The following CADM2 variants were observed in gnomAD, a reference collection of about 807,000 sequenced individuals.
CADM2 encodes immunoglobulin superfamily member 4D.
A neutral mutation model predicts 49.8 loss-of-function variants in CADM2; 12 were observed. The ratio of observed to expected loss-of-function variants is 0.24; its 90% CI spans 0.15 to 0.39. CADM2 has a LOEUF of 0.39. Ranked by LOEUF, CADM2 falls within the 10% of genes least tolerant of loss-of-function variation. The pLI is 1.00. For missense variants in CADM2, 378 were observed against 492.3 expected, an observed-to-expected ratio of 0.77 and a Z score of 2.20; for synonymous variants, 214 against 175.4, an observed-to-expected ratio of 1.22 and a Z score of -1.74.
rs147512744 is a variant in CADM2 at position 85,751,751 on chromosome 3, C to A, written c.88+25203C>A. 6.1e-4 allele frequency among the ~76,000 whole-genome samples: 93 copies of A among 152,276 alleles called. 3 individuals are homozygous for A. In the East Asian group the frequency reaches 0.018, roughly 29 times the overall value. Reference sequence around the variant, plus strand: ...GATCTTTTAAAAACTCGACAACCAACACTTGCAATTATCCAGGCATATGCT... The same window carrying A: ...GATCTTTTAAAAACTCGACAACCAAAACTTGCAATTATCCAGGCATATGCT... On this transcript the variant is annotated intron_variant, in intron 2 of 9. Transcript: ENST00000383699.
chr3:85,108,280 A>T (rs1246691022), intron 1 of CADM2, among the ~76,000 whole-genome samples: 1 of 152,222 alleles, frequency 6.6e-6, no homozygotes, highest in African/African-American at 2.4e-5. Flanking sequence ...AGCATTATTT[A>T]CAATAGCCAA....
chr3:85,319,816 A>G (rs1010673301), intron 1 of CADM2, among the ~76,000 whole-genome samples: 10 of 152,124 alleles, frequency 6.6e-5, no homozygotes, highest in Non-Finnish European at 1.2e-4. Flanking sequence ...AAAAATACCT[A>G]TTGGGTACTA....
intron 1 of CADM2, among the ~76,000 whole-genome samples, chr3:85,487,313 A>G (rs2039459281): frequency 6.6e-6 from 1 of 152,170 alleles, no homozygotes; most frequent in African/African-American, 2.4e-5. Context: ...CAGGAGTTCA[A>G]AACGATACTG....
intron 1 of CADM2, among the ~76,000 whole-genome samples, chr3:85,650,811 T>G (rs2065021527): frequency 6.6e-6 from 1 of 151,204 alleles, no homozygotes; most frequent in South Asian, 2.1e-4. Context: ...GTATTTTGTT[T>G]AAATTTATAA....
chr3:85,956,527 G>A (rs1724067581), intron 7 of CADM2, among the ~76,000 whole-genome samples: 1 of 151,666 alleles, frequency 6.6e-6, no homozygotes, highest in African/African-American at 2.4e-5. Flanking sequence ...TTGCCACCTT[G>A]AAGATTTATC....
At chr3:85,115,891 G>A (rs533203244) in intron 1 of CADM2, among the ~76,000 whole-genome samples, 1 of 152,238 alleles carries the variant, frequency 6.6e-6, no homozygotes, top group Admixed American at 6.5e-5. Flanking sequence ...CCTCTTGTAC[G>A]CATCTTTGAA....
At chr3:85,002,244 T>G (rs2033500102) in intron 1 of CADM2, among the ~76,000 whole-genome samples, 1 of 152,148 alleles carries the variant, frequency 6.6e-6, no homozygotes, top group South Asian at 2.1e-4. Flanking sequence ...TATGGTTATT[T>G]TGTTTTTTCC....
intron 1 of CADM2, among the ~76,000 whole-genome samples, chr3:85,210,360 T>C (rs1304052107): frequency 1.3e-5 from 2 of 152,186 alleles, no homozygotes; most frequent in East Asian, 3.8e-4. Flanking sequence ...TACTGGTTTG[T>C]TGAACACAAT....
intron 1 of CADM2, among the ~76,000 whole-genome samples, chr3:85,182,717 A>G (rs1170518591): frequency 4.6e-5 from 7 of 152,120 alleles, no homozygotes; most frequent in Non-Finnish European, 1.0e-4. Context: ...TGTCTCTTGT[A>G]AATCCAAAAT....
chr3:85,183,338 C>G lies in CADM2; in HGVS notation c.61+223670C>G, dbSNP rs111789700. ...AATAGAACACATTTTGCAATACATT[C>G]TGTTGTTCTTATTTGTAATTGTGAT... is the stretch of plus-strand genomic sequence containing the variant. On this transcript the variant is annotated intron_variant, in intron 1 of 9. Coordinates refer to ENST00000383699, the MANE Select transcript of CADM2 (RefSeq NM_001167675.2). 2.0e-3 allele frequency among the ~76,000 whole-genome samples: 307 copies of G among 152,196 alleles called. 1 individual carries two copies. The highest frequency in any genetic ancestry group is 7.1e-3 in the African/African-American group (293 of 41,556).
chr3:85,409,372 T>C (rs981139793), intron 1 of CADM2, among the ~76,000 whole-genome samples: 7 of 152,162 alleles, frequency 4.6e-5, no homozygotes, highest in African/African-American at 1.7e-4. Flanking sequence ...AATGGGAATT[T>C]TTCTGGTCAG....
intron 8 of CADM2, among the ~76,000 whole-genome samples, chr3:86,007,080 C>A (rs1384481276): frequency 1.3e-5 from 2 of 151,426 alleles, no homozygotes; most frequent in Non-Finnish European, 2.9e-5. Context: ...ATTAACAAAC[C>A]TATTGACTAT....
At chr3:85,328,535 G>A (rs937189807) in intron 1 of CADM2, among the ~76,000 whole-genome samples, 120 of 152,234 alleles carry the variant, frequency 7.9e-4, no homozygotes, top group Non-Finnish European at 1.3e-4. Context: ...TCCAATTTGC[G>A]CTGGATAAAG....
At chr3:85,424,845 G>C (rs1388387630) in intron 1 of CADM2, among the ~76,000 whole-genome samples, 1 of 151,954 alleles carries the variant, frequency 6.6e-6, no homozygotes, top group Non-Finnish European at 1.5e-5. Flanking sequence ...TTGGACACTA[G>C]AATATAATTA....
At chr3:85,947,512 G>A (rs943166395) in intron 7 of CADM2, among the ~76,000 whole-genome samples, 2 of 150,702 alleles carry the variant, frequency 1.3e-5, no homozygotes, top group African/African-American at 4.9e-5. Context: ...TGTCTTCAAA[G>A]ATATAATATT....
At chr3:85,236,488 T>A (rs1017261619) in intron 1 of CADM2, among the ~76,000 whole-genome samples, 7 of 152,088 alleles carry the variant, frequency 4.6e-5, no homozygotes, top group African/African-American at 1.7e-4. Flanking sequence ...TGGTTTATTT[T>A]TAAAGAATAG....
At chr3:85,582,245 T>C (rs1212181567) in intron 1 of CADM2, among the ~76,000 whole-genome samples, 1 of 152,084 alleles carries the variant, frequency 6.6e-6, no homozygotes, top group Non-Finnish European at 1.5e-5. Context: ...GTTCTAATAA[T>C]AGAGTCACTC....
At chr3:85,381,738 A>C (rs2033922132) in intron 1 of CADM2, among the ~76,000 whole-genome samples, 1 of 151,982 alleles carries the variant, frequency 6.6e-6, no homozygotes, top group South Asian at 2.1e-4. Flanking sequence ...TGTCATCTTA[A>C]CTTTCACCAG....
intron 8 of CADM2, among the ~76,000 whole-genome samples, chr3:86,051,332 G>C (rs981862495): frequency 1.3e-5 from 2 of 152,038 alleles, no homozygotes; most frequent in African/African-American, 4.8e-5. Context: ...GACTTCCTCA[G>C]CCTGGAGTTC....
Sources: allele counts gnomAD v4.1 joint callset (sites outside exome capture counted in the v4.1 genomes callset), GRCh38; gene constraint gnomAD v4.1.1; transcripts MANE v1.5; gene names NCBI Gene and HGNC (gene_info 2026-07-23, HGNC 2026-07-21).